Variants in ROR1 observed in about 807,000 individuals in gnomAD.
ROR1 encodes inactive tyrosine-protein kinase transmembrane receptor ROR1.
ROR1 carries 19 observed loss-of-function variants against 78.8 expected under a neutral mutation model. That is an observed-to-expected ratio of 0.24 (90% CI 0.17 to 0.35). The LOEUF is 0.35. ROR1 is among the 10% of genes least tolerant of loss of function. ROR1 has a pLI of 1.00. For missense variants in ROR1, 917 were observed against 1,177.8 expected (o/e 0.78, Z 3.24); for synonymous variants, 386 against 433.6 (o/e 0.89, Z 1.36).
At chr1:64,175,744 G>A (rs1181370413) in intron 8 of ROR1, among the ~76,000 whole-genome samples, 1 of 152,136 alleles carries the variant, frequency 6.6e-6, no homozygotes, top group African/African-American at 2.4e-5. Context: ...CTTACAATTA[G>A]GTTAGTGGGC....
At chr1:63,972,756 C>T (rs1032576153) in intron 1 of ROR1, among the ~76,000 whole-genome samples, 7 of 152,246 alleles carry the variant, frequency 4.6e-5, no homozygotes, top group East Asian at 1.9e-4. Context: ...CTAATGGAAG[C>T]GACCACAACT....
intron 1 of ROR1, among the ~76,000 whole-genome samples, chr1:63,913,437 G>A (rs933614496): frequency 1.3e-5 from 2 of 152,112 alleles, no homozygotes; most frequent in African/African-American, 4.8e-5. Flanking sequence ...GGAGGAGGAG[G>A]GATAAAATTG....
chr1:63,787,438 TTTCCTTCCTTCCTTCCTTCC>T (rs72297365), intron 1 of ROR1, among the ~76,000 whole-genome samples: 2 of 127,738 alleles, frequency 1.6e-5, no homozygotes, highest in Admixed American at 8.0e-5. Flanking sequence ...ATTGCCTTTC[TTTCCTTCCTTCCTTCCTTCC>T]TTCCTTCCTT....
At chr1:64,114,692 G>T (rs867336371) in intron 4 of ROR1, among the ~76,000 whole-genome samples, 2 of 152,066 alleles carry the variant, frequency 1.3e-5, no homozygotes, top group Non-Finnish European at 2.9e-5. Flanking sequence ...ATTCAAACGG[G>T]TATCAACTGC....
intron 8 of ROR1, among the ~76,000 whole-genome samples, chr1:64,161,078 G>GA (rs1335042733): frequency 1.3e-5 from 2 of 152,048 alleles, no homozygotes; most frequent in Admixed American, 1.3e-4. Flanking sequence ...GGCATAAATA[G>GA]AAAAAAGGCT....
intron 6 of ROR1, among the ~76,000 whole-genome samples, chr1:64,141,096 T>C (rs1382170435): frequency 6.6e-6 from 1 of 152,190 alleles, no homozygotes; most frequent in Non-Finnish European, 1.5e-5. Flanking sequence ...AATATAAGTG[T>C]TCTAGAACCT....
chr1:64,103,536 A>T (rs181266564), intron 4 of ROR1, among the ~76,000 whole-genome samples: 1 of 152,302 alleles, frequency 6.6e-6, no homozygotes, highest in East Asian at 1.9e-4. Context: ...TTTAACTGCA[A>T]TTATCAATTA....
intron 4 of ROR1, among the ~76,000 whole-genome samples, chr1:64,056,183 A>G (rs72914957): frequency 0.03 from 4,561 of 152,180 alleles, 242 homozygotes; most frequent in African/African-American, 0.1. Context: ...TCTCTTGGGT[A>G]TATACCTAGA....
intron 1 of ROR1, among the ~76,000 whole-genome samples, chr1:63,859,640 A>T (rs1031063285): frequency 5.9e-5 from 9 of 152,122 alleles, no homozygotes; most frequent in Non-Finnish European, 1.2e-4. Flanking sequence ...AGTTCACTGG[A>T]GAGATGCCAT....
chr1:63,969,457 G>A (rs1488255021), intron 1 of ROR1, among the ~76,000 whole-genome samples: 1 of 152,146 alleles, frequency 6.6e-6, no homozygotes, highest in Non-Finnish European at 1.5e-5. Flanking sequence ...GCCCTCCTGA[G>A]CTATGGACTC....
intron 1 of ROR1, among the ~76,000 whole-genome samples, chr1:63,901,722 C>T (rs1411444133): frequency 6.6e-6 from 1 of 150,444 alleles, no homozygotes; most frequent in African/African-American, 2.5e-5. Context: ...TTTTGCTTTT[C>T]TGGGGTCCAG....
chr1:63,859,201 G>T (rs1223374835), intron 1 of ROR1, among the ~76,000 whole-genome samples: 2 of 152,096 alleles, frequency 1.3e-5, no homozygotes, highest in East Asian at 3.9e-4. Flanking sequence ...TTCATTTTCT[G>T]GCTGGCTGGG....
At chr1:63,912,295 C>T (rs1264343780) in intron 1 of ROR1, among the ~76,000 whole-genome samples, 1 of 83,286 alleles carries the variant, frequency 1.2e-5, no homozygotes, top group African/African-American at 3.0e-5. Context: ...GAGACCCTAT[C>T]TCAAAAAAAA....
chr1:63,881,692 G>A (rs1645324030), intron 1 of ROR1, among the ~76,000 whole-genome samples: 1 of 152,132 alleles, frequency 6.6e-6, no homozygotes, highest in Non-Finnish European at 1.5e-5. Context: ...TCACTCACCA[G>A]GTGTTTATTG....
At chr1:63,958,188 T>A (rs12089051) in intron 1 of ROR1, among the ~76,000 whole-genome samples, 3 of 152,240 alleles carry the variant, frequency 2.0e-5, no homozygotes, top group African/African-American at 7.2e-5. Flanking sequence ...ATTATGCAAG[T>A]ATGTCTGAAA....
intron 1 of ROR1, among the ~76,000 whole-genome samples, chr1:63,841,021 T>C (rs1645046471): frequency 6.6e-6 from 1 of 152,216 alleles, no homozygotes; most frequent in Non-Finnish European, 1.5e-5. Context: ...GAGTGGTTTT[T>C]CTATGAGTAT....
intron 4 of ROR1, among the ~76,000 whole-genome samples, chr1:64,135,702 A>G (rs1408706229): frequency 1.3e-5 from 2 of 152,214 alleles, no homozygotes; most frequent in Non-Finnish European, 2.9e-5. Flanking sequence ...TTATGAAAGT[A>G]AACATGTGGA....
rs1248670373 is a variant in ROR1, at chr1:64,152,682, C to G, written c.1175-6299C>G. Among the ~76,000 whole-genome samples the G allele has an allele frequency of 2.0e-5, 3 of 152,144 alleles. No individual in the cohort carries two copies. In the East Asian group the frequency reaches 5.8e-4, roughly 29 times the overall value. Reference sequence around the variant, plus strand: ...ATATTTATTTTTAAAATTTCAGCTTCTGGTTTGGATTCATTATATTAGCCT... The same window carrying G: ...ATATTTATTTTTAAAATTTCAGCTTGTGGTTTGGATTCATTATATTAGCCT... On this transcript the variant is annotated intron_variant, in intron 7 of 8. Coordinates refer to ENST00000371079, the MANE Select transcript of ROR1 (RefSeq NM_005012.4).
chr1:64,020,486 C>A (rs535931333), intron 2 of ROR1, among the ~76,000 whole-genome samples: 1 of 152,156 alleles, frequency 6.6e-6, no homozygotes. Flanking sequence ...AAACTTTAGA[C>A]AAGGTTTTTC....
Sources: gnomAD v4.1 joint callset for allele counts (sites outside exome capture counted in the v4.1 genomes callset) on GRCh38, gnomAD v4.1.1 for gene constraint, MANE v1.5 for transcripts, NCBI Gene and HGNC (gene_info 2026-07-23, HGNC 2026-07-21) for gene names.